WAC: variants seen among roughly 807,000 people sequenced by gnomAD.
The protein encoded by WAC is WW domain-containing adapter protein with coiled-coil.
WAC carries 11 observed loss-of-function variants against 79.6 expected under a neutral mutation model. The observed-to-expected ratio is 0.14, with a 90% CI of 0.09 to 0.23. The LOEUF (loss-of-function observed/expected upper bound fraction) is 0.23, where lower values mean the gene tolerates loss of function less well. Ranked by LOEUF, WAC falls within the 10% of genes least tolerant of loss-of-function variation. The pLI, the probability that WAC is intolerant of heterozygous loss-of-function variation, is 1.00. For synonymous variants in WAC, 304 were observed against 276.9 expected (o/e 1.10, Z -0.97); for missense variants, 728 against 773.5 (o/e 0.94, Z 0.70).
At chr10:28,588,361 T>G (rs1490047887) in intron 4 of WAC, among the ~76,000 whole-genome samples, 5 of 152,172 alleles carry the variant, frequency 3.3e-5, no homozygotes, top group African/African-American at 1.2e-4. Context: ...CCTCATTATT[T>G]TGGGATGTAA....
Position 28,601,119 on chromosome 10 carries a change from A to G in WAC, c.919+5078A>G, listed in dbSNP as rs73609828. ...CTTCGTCAGTATTAAAAACTTGTAC[A>G]TCAAAGGGAGTGAAAATGCTATTCA... On this transcript the variant is annotated intron_variant, in intron 7 of 13. Transcript: ENST00000354911. Among the ~76,000 whole-genome samples the G allele has an allele frequency of 3.0e-3, 460 of 152,294 alleles. 2 individuals are homozygous for G. Among genetic ancestry groups the G allele is most frequent in the African/African-American group, 0.011 (445 of 41,582 alleles).
chr10:28,545,418 T>G lies in WAC; in HGVS notation c.274+9661T>G, dbSNP rs540209474. Among the ~76,000 whole-genome samples the G allele has an allele frequency of 2.0e-5, 3 of 152,178 alleles. No homozygotes were observed. The East Asian group carries it at 5.8e-4, about 29-fold the overall frequency. On this transcript the variant is annotated intron_variant, in intron 3 of 13. Transcript: ENST00000354911. ...TTGCTTGAACCCGTGAGGCAGAGGTTGTGGTGAGCTGAGATCACGCCATTA... is the reference window on the plus strand; with the variant it reads ...TTGCTTGAACCCGTGAGGCAGAGGTGGTGGTGAGCTGAGATCACGCCATTA...
At chr10:28,576,110 A>C (rs1202565767) in intron 3 of WAC, among the ~76,000 whole-genome samples, 1 of 152,234 alleles carries the variant, frequency 6.6e-6, no homozygotes, top group Non-Finnish European at 1.5e-5. Flanking sequence ...TTGCACAACA[A>C]AATTGCTCGA....
intron 7 of WAC, among the ~76,000 whole-genome samples, chr10:28,603,789 C>G (rs946408884): frequency 1.3e-5 from 2 of 151,006 alleles, no homozygotes; most frequent in Non-Finnish European, 3.0e-5. Flanking sequence ...AAAAAATTAG[C>G]CGGTCGAGGT....
At position 28,619,871 on chromosome 10, in the gene WAC, CAG is replaced by C. The variant is rs1322316894; in HGVS notation, c.*268_*269del. 4.3e-5 allele frequency: 12 copies of C among 279,156 alleles called. No homozygotes were observed. Among genetic ancestry groups the C allele is most frequent in the African/African-American group, 2.5e-4 (11 of 44,750 alleles). 17.3% of individuals were successfully genotyped at this position (279,156 alleles called of 1,614,324 possible). On this transcript the variant is annotated 3_prime_UTR_variant, in exon 14 of 14. Transcript: ENST00000354911. ...TGAAGCCATGGGAAGCCATGTGTAACAGAGCTTAGACATCCAAAACTAATCAA... is the reference window on the plus strand; with the variant it reads ...TGAAGCCATGGGAAGCCATGTGTAACAGCTTAGACATCCAAAACTAATCAA...
At chr10:28,591,962 T>A (rs1015952782) in intron 6 of WAC, 1 of 152,152 alleles carries the variant, frequency 6.6e-6, no homozygotes, top group Non-Finnish European at 1.5e-5. Context: ...TCAATCCTGC[T>A]CCTATAACTC....
chr10:28,558,937 GTTCA>G (rs1838147633), intron 3 of WAC, among the ~76,000 whole-genome samples: 2 of 152,206 alleles, frequency 1.3e-5, no homozygotes, highest in Non-Finnish European at 2.9e-5. Flanking sequence ...AATACGGGTA[GTTCA>G]TTTGGTGCAA....
intron 7 of WAC, among the ~76,000 whole-genome samples, chr10:28,601,275 G>A (rs556182071): frequency 6.6e-6 from 1 of 152,262 alleles, no homozygotes; most frequent in South Asian, 2.1e-4. Context: ...TTTCTGCAAA[G>A]AAGATATCCT....
intron 13 of WAC, among the ~76,000 whole-genome samples, chr10:28,619,316 A>G (rs964108657): frequency 6.6e-6 from 1 of 152,210 alleles, no homozygotes; most frequent in East Asian, 1.9e-4. Context: ...TTTGAAAACT[A>G]AAACATCCTT....
At position 28,614,892 on chromosome 10, in the gene WAC, G is replaced by A; in HGVS notation, c.1556+207G>A. The A allele has an allele frequency of 7.8e-6, 3 of 383,004 alleles. No individual in the cohort carries two copies. In the East Asian group the frequency reaches 1.2e-4, roughly 16 times the overall value. 23.7% of individuals were successfully genotyped at this position (383,004 alleles called of 1,614,324 possible). ...CTAGTAGTGAAGCCCGGGTTATTTT[G>A]AAGAAAGTGGCTCTTTAAAATTTTA... On this transcript the variant is annotated intron_variant, in intron 11 of 13. Coordinates refer to ENST00000354911, the MANE Select transcript of WAC (RefSeq NM_016628.5).
At chr10:28,583,265 T>A in intron 3 of WAC, 134 bp from the exon 4 acceptor site, 1 of 586,448 alleles carries the variant, frequency 1.7e-6, no homozygotes, top group East Asian at 3.1e-5. Context: ...AGTATGACTG[T>A]GTATATATTC....
intron 7 of WAC, among the ~76,000 whole-genome samples, chr10:28,604,660 C>T (rs1462687943): frequency 6.6e-6 from 1 of 152,136 alleles, no homozygotes; most frequent in Non-Finnish European, 1.5e-5. Context: ...GCAGAGATTG[C>T]AGTGAGCCAA....
At chr10:28,598,987 T>A (rs1840510488) in intron 7 of WAC, among the ~76,000 whole-genome samples, 2 of 152,320 alleles carry the variant, frequency 1.3e-5, no homozygotes, top group East Asian at 3.9e-4. Flanking sequence ...CTTAGATAAG[T>A]TTTATAGCAA....
rs148395864 is a variant in WAC, at chr10:28,558,363, A to G, written c.274+22606A>G. 9.0e-3 allele frequency among the ~76,000 whole-genome samples: 1,368 copies of G among 152,328 alleles called. 10 individuals carry two copies. The highest frequency in any genetic ancestry group is 0.014 in the Middle Eastern group (4 of 294). ...GGGAAAGCTAATATAGGGTAAATGCAGAAGCAGCGCAAAGAAATTATTTGA... is the reference window on the plus strand; with the variant it reads ...GGGAAAGCTAATATAGGGTAAATGCGGAAGCAGCGCAAAGAAATTATTTGA... On this transcript the variant is annotated intron_variant, in intron 3 of 13. Transcript: ENST00000354911.
intron 3 of WAC, chr10:28,537,449 C>T (rs920524006): frequency 1.3e-5 from 2 of 152,152 alleles, no homozygotes; most frequent in African/African-American, 2.4e-5. Context: ...GGATATGGCA[C>T]CTCATCTTCT....
chr10:28,610,578 T>C, intron 8 of WAC, 121 bp from the exon 9 acceptor site: 2 of 1,049,630 alleles, frequency 1.9e-6, no homozygotes, highest in Non-Finnish European at 2.6e-6. Context: ...TAGGCTTTTA[T>C]TTTGAGAGTT....
At chr10:28,596,415 G>A (rs1209716965) in intron 7 of WAC, among the ~76,000 whole-genome samples, 3 of 152,018 alleles carry the variant, frequency 2.0e-5, no homozygotes, top group Non-Finnish European at 4.4e-5. Flanking sequence ...TATAAATAGA[G>A]GTATTTTAAA....
intron 3 of WAC, among the ~76,000 whole-genome samples, chr10:28,568,398 T>A (rs1389670518): frequency 6.6e-6 from 1 of 152,146 alleles, no homozygotes; most frequent in Non-Finnish European, 1.5e-5. Context: ...GTTGTTGTTT[T>A]GAGATGGAGT....
intron 3 of WAC, among the ~76,000 whole-genome samples, chr10:28,567,707 A>G (rs1838724995): frequency 6.6e-6 from 1 of 152,160 alleles, no homozygotes; most frequent in Non-Finnish European, 1.5e-5. Context: ...CTTGACAAGA[A>G]TTGGAACTTG....
Sources: allele counts gnomAD v4.1 joint callset (sites outside exome capture counted in the v4.1 genomes callset), GRCh38; gene constraint gnomAD v4.1.1; transcripts MANE v1.5; gene names NCBI Gene and HGNC (gene_info 2026-07-23, HGNC 2026-07-21).